Variants in USP31 observed in about 807,000 individuals in gnomAD.
USP31 encodes ubiquitin specific peptidase 31.
USP31 carries 44 observed loss-of-function variants against 119.4 expected under a neutral mutation model. That is an observed-to-expected ratio of 0.37 (90% CI 0.29 to 0.47). USP31 has a LOEUF of 0.47. Ranked by LOEUF, USP31 falls within the 20% of genes least tolerant of loss-of-function variation. The probability of loss-of-function intolerance (pLI) is 0.99; values close to 1 mark genes in which losing one functional copy is unlikely to be tolerated. For synonymous variants in USP31, 749 were observed against 705.6 expected, an observed-to-expected ratio of 1.06 and a Z score of -0.97; for missense variants, 1,643 against 1,730.2, an observed-to-expected ratio of 0.95 and a Z score of 0.89.
At chr16:23,077,144 G>C (rs1900611527) in intron 13 of USP31, among the ~76,000 whole-genome samples, 1 of 152,004 alleles carries the variant, frequency 6.6e-6, no homozygotes, top group Non-Finnish European at 1.5e-5. Context: ...TGAAGTGAGA[G>C]CATCTTTCAA....
chr16:23,127,912 A>AT (rs1172408930), intron 1 of USP31, among the ~76,000 whole-genome samples: 4 of 152,220 alleles, frequency 2.6e-5, no homozygotes, highest in East Asian at 3.9e-4. Context: ...AAACTACCAA[A>AT]TAAGTCTTAA....
At chr16:23,085,092 A>G (rs1901050062) in intron 10 of USP31, 103 bp from the exon 11 acceptor site, 3 of 1,309,142 alleles carry the variant, frequency 2.3e-6, no homozygotes, top group Middle Eastern at 2.2e-4. Context: ...TAACCGAAGG[A>G]AAAAAAAAAT....
chr16:23,069,653 A>G (rs2141826544), intron 15 of USP31, 37 bp from the exon 16 acceptor site: 1 of 1,554,392 alleles, frequency 6.4e-7, no homozygotes, highest in Non-Finnish European at 8.7e-7. Flanking sequence ...AAGTTAAGCC[A>G]ATGAAGACAT....
intron 11 of USP31, among the ~76,000 whole-genome samples, chr16:23,083,780 G>A (rs1326358127): frequency 6.6e-6 from 1 of 151,208 alleles, no homozygotes; most frequent in Non-Finnish European, 1.5e-5. Context: ...AAAACAGTGT[G>A]GGGGAGAGAA....
chr16:23,072,460 G>A lies in USP31; in HGVS notation c.2336-263C>T, dbSNP rs192811090. The A allele has an allele frequency of 1.1e-3, 659 of 598,046 alleles. 8 individuals carry two copies. Among genetic ancestry groups the A allele is most frequent in the African/African-American group, 0.011 (573 of 53,966 alleles). The allele number at this position is 598,046 out of a possible 1,614,324, so 37.0% of individuals were successfully genotyped here. On this transcript the variant is annotated intron_variant, in intron 14 of 15. Coordinates refer to ENST00000219689, the MANE Select transcript of USP31 (RefSeq NM_020718.4). The stretch of plus-strand genomic sequence containing the variant: ...AGGATAGGGATGAATACTTTATAAT[G>A]TAAGTCTGAGTCTAAAGAATTGGCA...
At chr16:23,117,679 G>A (rs1902535232) in intron 1 of USP31, among the ~76,000 whole-genome samples, 2 of 151,534 alleles carry the variant, frequency 1.3e-5, no homozygotes, top group African/African-American at 4.8e-5. Flanking sequence ...CTATGCAGTA[G>A]AAAAAGAAAG....
intron 1 of USP31, among the ~76,000 whole-genome samples, chr16:23,136,647 T>C (rs1903200423): frequency 7.1e-6 from 1 of 141,748 alleles, no homozygotes; most frequent in Admixed American, 7.0e-5. Context: ...AAGCAAGACT[T>C]CATCTCAAAA....
chr16:23,076,288 TA>T (rs766668376), intron 13 of USP31, among the ~76,000 whole-genome samples: 6,155 of 129,974 alleles, frequency 0.047, 171 homozygotes, highest in African/African-American at 0.092. Flanking sequence ...AAGTTGATGT[TA>T]AAAAAAAAAA....
intron 1 of USP31, among the ~76,000 whole-genome samples, chr16:23,119,758 T>C (rs1206104246): frequency 6.6e-6 from 1 of 152,240 alleles, no homozygotes; most frequent in Non-Finnish European, 1.5e-5. Flanking sequence ...ATGCAGATGA[T>C]GTAGAAAGAT....
At chr16:23,139,746 G>A (rs2141902586) in intron 1 of USP31, among the ~76,000 whole-genome samples, 1 of 152,240 alleles carries the variant, frequency 6.6e-6, no homozygotes, top group Middle Eastern at 3.4e-3. Context: ...TCTCTTAAGT[G>A]GGAAGGTCAT....
intron 1 of USP31, among the ~76,000 whole-genome samples, chr16:23,125,945 A>G (rs1258577274): frequency 1.3e-5 from 2 of 152,188 alleles, no homozygotes; most frequent in Non-Finnish European, 2.9e-5. Flanking sequence ...AAGTAAATAG[A>G]GAAGTTAATT....
chr16:23,139,702 T>G (rs373945249), intron 1 of USP31, among the ~76,000 whole-genome samples: 2 of 152,164 alleles, frequency 1.3e-5, no homozygotes, highest in Non-Finnish European at 2.9e-5. Context: ...AGTCCTAAAT[T>G]GCACCTGATT....
At chr16:23,110,928 A>C (rs1400429273) in intron 1 of USP31, among the ~76,000 whole-genome samples, 1 of 152,118 alleles carries the variant, frequency 6.6e-6, no homozygotes, top group Non-Finnish European at 1.5e-5. Context: ...GGAGATCGAG[A>C]CCATCCTAGT....
rs1213262799 is a variant in USP31, at chr16:23,065,546, A to G, written c.*2500T>C. 6.6e-6 allele frequency: 1 copy of G among 152,620 alleles called. No homozygotes were observed. Among genetic ancestry groups the G allele is most frequent in the Non-Finnish European group, 1.5e-5 (1 of 68,042 alleles). 9.5% of individuals were successfully genotyped at this position (152,620 alleles called of 1,614,324 possible). On this transcript the variant is annotated 3_prime_UTR_variant, in exon 16 of 16. Transcript: ENST00000219689. The stretch of plus-strand genomic sequence containing the variant: ...TGTTTACCAACTATGGAAATAAAAT[A>G]GCTTCATGATGTCTAGACAATGCCA...
intron 1 of USP31, among the ~76,000 whole-genome samples, chr16:23,116,987 A>G (rs1902505796): frequency 2.0e-5 from 3 of 152,210 alleles, no homozygotes; most frequent in Admixed American, 2.0e-4. Flanking sequence ...TTCAGAGTTC[A>G]TATTTTTTTC....
chr16:23,129,120 T>C (rs375301953), intron 1 of USP31, among the ~76,000 whole-genome samples: 1 of 152,288 alleles, frequency 6.6e-6, no homozygotes, highest in East Asian at 1.9e-4. Context: ...CAGCCCACAA[T>C]AGATTGGAAA....
intron 1 of USP31, among the ~76,000 whole-genome samples, chr16:23,129,096 T>C (rs1437592718): frequency 1.3e-5 from 2 of 152,220 alleles, no homozygotes; most frequent in Non-Finnish European, 2.9e-5. Flanking sequence ...TTCATTTGTA[T>C]TGTATTTTAC....
At chr16:23,087,900 T>A in intron 7 of USP31, 65 bp from the exon 8 acceptor site, 1 of 1,402,086 alleles carries the variant, frequency 7.1e-7, no homozygotes, top group Non-Finnish European at 1.0e-6. Flanking sequence ...TGTTATCTTT[T>A]TTTCTCGATC....
At chr16:23,121,342 A>C (rs973621442) in intron 1 of USP31, among the ~76,000 whole-genome samples, 6 of 152,108 alleles carry the variant, frequency 3.9e-5, no homozygotes, top group Non-Finnish European at 7.4e-5. Flanking sequence ...CCATTCTTTC[A>C]ATCCTGGACA....
Sources: allele counts gnomAD v4.1 joint callset (sites outside exome capture counted in the v4.1 genomes callset), GRCh38; gene constraint gnomAD v4.1.1; transcripts MANE v1.5; gene names NCBI Gene and HGNC (gene_info 2026-07-23, HGNC 2026-07-21).